The following HDAC4 variants were observed in gnomAD, a reference collection of about 807,000 sequenced individuals.
HDAC4 encodes histone deacetylase 4.
A neutral mutation model predicts 135.1 loss-of-function variants in HDAC4; 16 were observed. That is an observed-to-expected ratio of 0.12 (90% CI 0.08 to 0.18). The LOEUF is 0.18. Ranked by LOEUF, HDAC4 falls within the 10% of genes least tolerant of loss-of-function variation. HDAC4 has a pLI of 1.00. For missense variants in HDAC4, 1,143 were observed against 1,511.8 expected (o/e 0.76, Z 4.05); for synonymous variants, 685 against 653.4 (o/e 1.05, Z -0.74).
chr2:239,321,016 T>C (rs2053289515), intron 2 of HDAC4, among the ~76,000 whole-genome samples: 2 of 152,230 alleles, frequency 1.3e-5, no homozygotes, highest in Admixed American at 1.3e-4. Context: ...AATAAAACCT[T>C]TGATAACGAA....
intron 1 of HDAC4, among the ~76,000 whole-genome samples, chr2:239,394,202 A>C (rs577640799): frequency 6.6e-6 from 1 of 152,304 alleles, no homozygotes; most frequent in East Asian, 1.9e-4. Flanking sequence ...CTTAAACATC[A>C]ATCCAGCAAA....
rs541208960 is a variant in HDAC4 at position 239,215,048 on chromosome 2, G to A, written c.94+21545C>T. Among the ~76,000 whole-genome samples, 23 of 152,344 alleles carry A rather than the reference G, an allele frequency of 1.5e-4. No homozygotes were observed. In the South Asian group the frequency reaches 4.8e-3, roughly 32 times the overall value. ...TGGAAGGCAGGTGAGATCCAGGCGGGAGCAGACATTCGAGCGGCAGAATCA... is the reference window on the plus strand; with the variant it reads ...TGGAAGGCAGGTGAGATCCAGGCGGAAGCAGACATTCGAGCGGCAGAATCA... On this transcript the variant is annotated intron_variant, in intron 3 of 26. Transcript: ENST00000543185.
intron 1 of HDAC4, among the ~76,000 whole-genome samples, chr2:239,368,852 C>T (rs997382790): frequency 6.6e-5 from 10 of 152,202 alleles, no homozygotes; most frequent in African/African-American, 2.4e-4. Context: ...AAGTTCCTCC[C>T]CAACTCTACT....
At chr2:239,143,754 C>T (rs930909497) in intron 8 of HDAC4, among the ~76,000 whole-genome samples, 28 of 152,242 alleles carry the variant, frequency 1.8e-4, no homozygotes, top group Non-Finnish European at 3.1e-4. Context: ...GGAGCCCCTC[C>T]CCGGCTTCCC....
At chr2:239,093,884 T>C in intron 17 of HDAC4, 3 of 940,842 alleles carry the variant, frequency 3.2e-6, no homozygotes, top group Non-Finnish European at 3.8e-6. Context: ...ATTAAGAGAT[T>C]GCAGCCTATT....
chr2:239,068,734 G>T lies in HDAC4; in HGVS notation c.2751-127C>A. 1.2e-6 allele frequency: 1 copy of T among 814,628 alleles called. No individual in the cohort carries two copies. Among genetic ancestry groups the T allele is most frequent in the Non-Finnish European group, 2.2e-6 (1 of 464,916 alleles). 50.5% of individuals were successfully genotyped at this position (814,628 alleles called of 1,614,324 possible). A position where few individuals can be genotyped will look rare whatever the true frequency, so the allele number is the denominator to read the frequency against. ...ACCCCCTCGGCCACTGGCGGGCTGAGGGCTCCACACAGCAGGCTGGAATCT... is the reference window on the plus strand; with the variant it reads ...ACCCCCTCGGCCACTGGCGGGCTGATGGCTCCACACAGCAGGCTGGAATCT... On this transcript the variant is annotated intron_variant, in intron 22 of 26. Transcript: ENST00000543185. This position sits in a 1 kb window ranked among gnomAD's most constrained non-coding sequence, Gnocchi z 4.4.
At chr2:239,058,665 C>A (rs895788920) in intron 24 of HDAC4, among the ~76,000 whole-genome samples, 1 of 152,148 alleles carries the variant, frequency 6.6e-6, no homozygotes, top group African/African-American at 2.4e-5. Flanking sequence ...CAATTCATCA[C>A]GAAAGGGCAT....
intron 1 of HDAC4, among the ~76,000 whole-genome samples, chr2:239,357,811 C>T (rs1253039917): frequency 2.7e-5 from 4 of 146,662 alleles, no homozygotes; most frequent in Non-Finnish European, 5.9e-5. Flanking sequence ...ATCACTTGAA[C>T]CCGGGAGGTC....
intron 11 of HDAC4, among the ~76,000 whole-genome samples, 178 bp downstream of exon 11, chr2:239,134,067 C>T (rs569096139): frequency 4.2e-4 from 64 of 152,230 alleles, no homozygotes; most frequent in African/African-American, 1.5e-3. Flanking sequence ...GGGAGTGAGG[C>T]ATGGATTTTC....
At chr2:239,066,929 A>C (rs776700948) in intron 23 of HDAC4, 74 bp from the exon 24 acceptor site, 2,416 of 1,538,302 alleles carry the variant, frequency 1.6e-3, no homozygotes, top group Non-Finnish European at 2.0e-3. Flanking sequence ...AACGCGTCTC[A>C]TGGCATCGTA....
intron 3 of HDAC4, among the ~76,000 whole-genome samples, chr2:239,212,089 G>A (rs1001714196): frequency 6.6e-6 from 1 of 152,180 alleles, no homozygotes; most frequent in African/African-American, 2.4e-5. Flanking sequence ...TTGGGAAAAC[G>A]ATGTTCTGTC....
chr2:239,153,539 A>C (rs1276618983), intron 7 of HDAC4, among the ~76,000 whole-genome samples: 5 of 152,362 alleles, frequency 3.3e-5, no homozygotes, highest in Non-Finnish European at 7.3e-5. Flanking sequence ...GTGTGTAACT[A>C]CACACTATTC....
At position 239,352,703 on chromosome 2, in the gene HDAC4, T is replaced by C; in HGVS notation, c.-4A>G. The C allele has an allele frequency of 6.4e-7, 1 of 1,557,720 alleles. No individual in the cohort carries two copies. Among genetic ancestry groups the C allele is most frequent in the Non-Finnish European group, 8.7e-7 (1 of 1,149,534 alleles). Reference sequence around the variant, plus strand: ...CTGGATGGCTTTGGGAGCTCATTGCTAGCAATGTCCACTCCTTTAAGTGAT... The same window carrying C: ...CTGGATGGCTTTGGGAGCTCATTGCCAGCAATGTCCACTCCTTTAAGTGAT... On this transcript the variant is annotated 5_prime_UTR_variant, in exon 2 of 27. Transcript: ENST00000543185. This position sits in a 1 kb window ranked among gnomAD's most constrained non-coding sequence, Gnocchi z 4.4.
intron 13 of HDAC4, among the ~76,000 whole-genome samples, chr2:239,112,533 G>A (rs1482158391): frequency 6.6e-6 from 1 of 152,206 alleles, no homozygotes; most frequent in Non-Finnish European, 1.5e-5. Context: ...TGATGAGATG[G>A]AGCTGGGCTG....
chr2:239,167,082 G>A lies in HDAC4; in HGVS notation c.491-3159C>T, dbSNP rs1193352348. Among the ~76,000 whole-genome samples, 3 of 151,936 alleles carry A rather than the reference G, an allele frequency of 2.0e-5. No homozygotes were observed. Among genetic ancestry groups the A allele is most frequent in the African/African-American group, 7.3e-5 (3 of 41,348 alleles). ...GCCCTGCAGGTCCCCCTACATGGCC[G>A]TCCTTGAGTGGAGGCAGCAGAGCAG... On this transcript the variant is annotated intron_variant, in intron 5 of 26. Transcript: ENST00000543185. This position sits in a 1 kb window ranked among gnomAD's most constrained non-coding sequence, Gnocchi z 4.1.
chr2:239,053,245 G>T, intron 26 of HDAC4, 109 bp from the exon 27 acceptor site: 3 of 1,451,680 alleles, frequency 2.1e-6, no homozygotes, highest in Non-Finnish European at 2.9e-6. Flanking sequence ...CGCCAGCCTA[G>T]CCCTGGCCTG....
intron 3 of HDAC4, among the ~76,000 whole-genome samples, chr2:239,194,152 G>A (rs2045206937): frequency 6.6e-5 from 10 of 152,178 alleles, no homozygotes; most frequent in Admixed American, 5.9e-4. Flanking sequence ...TGGATGCCAA[G>A]GAGGACAGGC....
At chr2:239,301,473 T>TC (rs1559345110) in intron 2 of HDAC4, among the ~76,000 whole-genome samples, 1 of 142,318 alleles carries the variant, frequency 7.0e-6, no homozygotes, top group African/African-American at 2.5e-5. Context: ...CTTTCTTTCT[T>TC]TTTTTTTTTT....
chr2:239,344,129 T>C (rs988924506), intron 2 of HDAC4, among the ~76,000 whole-genome samples: 1 of 152,164 alleles, frequency 6.6e-6, no homozygotes, highest in Admixed American at 6.5e-5. Context: ...TCACACAGCC[T>C]GGCACCCGGA....
Sources: allele counts gnomAD v4.1 joint callset (sites outside exome capture counted in the v4.1 genomes callset), GRCh38; gene constraint gnomAD v4.1.1; non-coding constraint Gnocchi (gnomAD v3.1); transcripts MANE v1.5; gene names NCBI Gene and HGNC (gene_info 2026-07-23, HGNC 2026-07-21).